Variants in XPR1 observed in about 807,000 individuals in gnomAD.
XPR1 encodes xenotropic and polytropic retrovirus receptor 1, also known as solute carrier family 53 member 1.
In XPR1, 28 loss-of-function variants were observed where a neutral mutation model predicts 87.5. The ratio of observed to expected loss-of-function variants is 0.32; its 90% CI spans 0.24 to 0.44. XPR1 has a LOEUF of 0.44. Ranked by LOEUF, XPR1 falls within the 20% of genes least tolerant of loss-of-function variation. The pLI, the probability that XPR1 is intolerant of heterozygous loss-of-function variation, is 1.00. For missense variants in XPR1, 559 were observed against 862.3 expected (o/e 0.65, Z 4.41); for synonymous variants, 300 against 306.1 (o/e 0.98, Z 0.21).
chr1:180,858,033 A>G (rs1176908799), intron 11 of XPR1, among the ~76,000 whole-genome samples: 1 of 152,120 alleles, frequency 6.6e-6, no homozygotes. Context: ...CCTGGCCAAC[A>G]TGGAGAAACC....
chr1:180,810,044 T>G (rs377132769), intron 6 of XPR1, among the ~76,000 whole-genome samples: 211 of 152,228 alleles, frequency 1.4e-3, no homozygotes, highest in African/African-American at 4.3e-3. Flanking sequence ...ACAAAAAATT[T>G]TATAACATTC....
At chr1:180,685,443 TTC>T (rs1656731966) in intron 2 of XPR1, among the ~76,000 whole-genome samples, 1 of 152,198 alleles carries the variant, frequency 6.6e-6, no homozygotes, top group African/African-American at 2.4e-5. Context: ...TGGTCTAAAA[TTC>T]TCTTTTTTTG....
At chr1:180,737,175 G>A (rs766107784) in intron 2 of XPR1, among the ~76,000 whole-genome samples, 14 of 152,138 alleles carry the variant, frequency 9.2e-5, no homozygotes, top group Non-Finnish European at 1.8e-4. Context: ...GGGGTAGAAG[G>A]GGGTGGGTCA....
intron 2 of XPR1, among the ~76,000 whole-genome samples, chr1:180,693,168 T>C (rs1400339089): frequency 3.3e-5 from 5 of 152,232 alleles, no homozygotes; most frequent in Admixed American, 3.3e-4. Flanking sequence ...AGATAGAATT[T>C]CCTGAAGTAG....
At chr1:180,735,904 C>T (rs1658713646) in intron 2 of XPR1, among the ~76,000 whole-genome samples, 1 of 152,108 alleles carries the variant, frequency 6.6e-6, no homozygotes, top group African/African-American at 2.4e-5. Context: ...CTTTTCCCAT[C>T]TCTGGAGTTC....
intron 11 of XPR1, among the ~76,000 whole-genome samples, chr1:180,853,228 C>A (rs557669478): frequency 3.0e-4 from 46 of 152,314 alleles, no homozygotes; most frequent in African/African-American, 1.1e-3. Flanking sequence ...GCCACTGCGC[C>A]TGGCTTCTTT....
At chr1:180,758,502 G>A (rs530733997) in intron 2 of XPR1, among the ~76,000 whole-genome samples, 1 of 152,210 alleles carries the variant, frequency 6.6e-6, no homozygotes, top group East Asian at 1.9e-4. Context: ...GAGGTCAGGA[G>A]TTCAAGACCA....
intron 3 of XPR1, among the ~76,000 whole-genome samples, chr1:180,794,554 T>C (rs150296211): frequency 6.6e-6 from 1 of 152,380 alleles, no homozygotes; most frequent in African/African-American, 2.4e-5. Flanking sequence ...TTTACAGTTA[T>C]GCAAAGTACT....
intron 2 of XPR1, among the ~76,000 whole-genome samples, chr1:180,716,136 G>GT: frequency 6.6e-6 from 1 of 151,906 alleles, no homozygotes; most frequent in Non-Finnish European, 1.5e-5. Context: ...GTTTTGGGGG[G>GT]TTTTTTGTTT....
At chr1:180,750,540 T>C (rs980368140) in intron 2 of XPR1, among the ~76,000 whole-genome samples, 23 of 152,114 alleles carry the variant, frequency 1.5e-4, no homozygotes, top group Non-Finnish European at 2.8e-4. Flanking sequence ...AGGAAATCCT[T>C]TGTAGAAAAT....
At chr1:180,721,790 CTTAA>C (rs1375652869) in intron 2 of XPR1, among the ~76,000 whole-genome samples, 1 of 152,108 alleles carries the variant, frequency 6.6e-6, no homozygotes, top group African/African-American at 2.4e-5. Flanking sequence ...ACCACTTCCA[CTTAA>C]TTAATAGTAA....
intron 2 of XPR1, among the ~76,000 whole-genome samples, chr1:180,761,101 A>G (rs1473260242): frequency 4.6e-5 from 7 of 152,226 alleles, no homozygotes; most frequent in South Asian, 2.1e-4. Context: ...CTTACACCTT[A>G]TAGAAAAATT....
At chr1:180,707,233 T>A (rs1350937531) in intron 2 of XPR1, among the ~76,000 whole-genome samples, 1 of 152,192 alleles carries the variant, frequency 6.6e-6, no homozygotes, top group Non-Finnish European at 1.5e-5. Flanking sequence ...TATAGGTTTG[T>A]TACATAGGTA....
intron 2 of XPR1, among the ~76,000 whole-genome samples, chr1:180,688,734 G>A (rs949418139): frequency 6.6e-6 from 1 of 152,112 alleles, no homozygotes; most frequent in African/African-American, 2.4e-5. Flanking sequence ...CAGTGATACA[G>A]AACTGTGGAA....
At chr1:180,779,866 A>G (rs1328601443) in intron 2 of XPR1, among the ~76,000 whole-genome samples, 1 of 151,812 alleles carries the variant, frequency 6.6e-6, no homozygotes, top group Admixed American at 6.6e-5. Context: ...CCACCACTCT[A>G]CTTTCTGTCT....
At chr1:180,873,724 G>A in intron 12 of XPR1, 79 bp from the exon 13 acceptor site, 1 of 1,496,676 alleles carries the variant, frequency 6.7e-7, no homozygotes. Flanking sequence ...AGTCTTGTTT[G>A]TAGGACATAT....
chr1:180,768,107 G>C (rs1244525146), intron 2 of XPR1, among the ~76,000 whole-genome samples: 2 of 152,082 alleles, frequency 1.3e-5, no homozygotes, highest in Non-Finnish European at 2.9e-5. Context: ...GCCTCCCAAC[G>C]TGCTGGGATT....
intron 3 of XPR1, among the ~76,000 whole-genome samples, chr1:180,798,430 G>A (rs1307510366): frequency 6.6e-6 from 1 of 151,984 alleles, no homozygotes; most frequent in Non-Finnish European, 1.5e-5. Context: ...AAATATGAGA[G>A]TTGTAAGAGA....
At chr1:180,803,149 T>C (rs1420536019) in intron 3 of XPR1, among the ~76,000 whole-genome samples, 2 of 152,228 alleles carry the variant, frequency 1.3e-5, no homozygotes, top group Non-Finnish European at 2.9e-5. Context: ...TCACTCTTAG[T>C]GGCTCTTTAC....
Sources: allele counts gnomAD v4.1 joint callset (sites outside exome capture counted in the v4.1 genomes callset), GRCh38; gene constraint gnomAD v4.1.1; transcripts MANE v1.5; gene names NCBI Gene and HGNC (gene_info 2026-07-23, HGNC 2026-07-21).